The following PIK3C2G variants were observed in gnomAD, a reference collection of about 807,000 sequenced individuals.
PIK3C2G encodes phosphatidylinositol 3-kinase C2 domain-containing subunit gamma.
In PIK3C2G, 168 loss-of-function variants were observed where a neutral mutation model predicts 181.1. The ratio of observed to expected loss-of-function variants is 0.93; its 90% CI spans 0.82 to 1.05. The LOEUF (loss-of-function observed/expected upper bound fraction) is 1.05, where lower values mean the gene tolerates loss of function less well. Among genes scored for constraint, PIK3C2G ranks in the 50% least tolerant of loss-of-function variants. The probability of loss-of-function intolerance (pLI) is 0.00; values close to 1 mark genes in which losing one functional copy is unlikely to be tolerated. For missense variants in PIK3C2G, 1,869 were observed against 1,732.8 expected, an observed-to-expected ratio of 1.08 and a Z score of -1.40; for synonymous variants, 573 against 592.2, an observed-to-expected ratio of 0.97 and a Z score of 0.47.
rs1197863763 is a variant in PIK3C2G, at chr12:18,269,900, T to A, written c.-79+8323T>A. ...CACTGACAAGTTACCCTTTTTTCTT[T>A]TTTTTTCTTTTCTTTTTTTTTTTTT... On this transcript the variant is annotated intron_variant, in intron 1 of 32. Transcript: ENST00000538779. Among the ~76,000 whole-genome samples, 5 of 137,130 alleles carry A rather than the reference T, an allele frequency of 3.6e-5. No homozygotes were observed. The Admixed American group carries it at 3.9e-4, about 11-fold the overall frequency. 90.0% of individuals were successfully genotyped at this position (137,130 alleles called of 152,430 possible).
At chr12:18,584,408 A>G (rs143945497) in intron 29 of PIK3C2G, among the ~76,000 whole-genome samples, 56 of 152,290 alleles carry the variant, frequency 3.7e-4, no homozygotes, top group African/African-American at 1.2e-3. Context: ...TACAAATATT[A>G]ACAGCAGATT....
chr12:18,306,481 C>T (rs543999808), intron 5 of PIK3C2G, among the ~76,000 whole-genome samples: 1 of 152,022 alleles, frequency 6.6e-6, no homozygotes, highest in Non-Finnish European at 1.5e-5. Flanking sequence ...AGTGAAACAA[C>T]GTATCACTGA....
chr12:18,724,701 G>T, the PIK3C2G span, among the ~76,000 whole-genome samples: 1 of 151,904 alleles, frequency 6.6e-6, no homozygotes, highest in Non-Finnish European at 1.5e-5. Flanking sequence ...TTAAATTCTG[G>T]ATTTTGAGGT....
At chr12:18,591,008 T>C (rs1393460186) in intron 29 of PIK3C2G, among the ~76,000 whole-genome samples, 2 of 151,926 alleles carry the variant, frequency 1.3e-5, no homozygotes, top group Non-Finnish European at 2.9e-5. Flanking sequence ...GAGGTCAAAA[T>C]GTCACCAAAG....
chr12:18,290,822 T>C, intron 3 of PIK3C2G, 33 bp from the exon 4 acceptor site: 2 of 1,412,582 alleles, frequency 1.4e-6, no homozygotes, highest in Non-Finnish European at 2.0e-6. Context: ...GCAGGTCTTG[T>C]CCTAAGTATT....
intron 13 of PIK3C2G, among the ~76,000 whole-genome samples, chr12:18,380,303 C>A (rs866994315): frequency 6.6e-6 from 1 of 152,198 alleles, no homozygotes; most frequent in Non-Finnish European, 1.5e-5. Flanking sequence ...ATGGCACATC[C>A]TCCTCCCTCC....
At chr12:18,550,382 C>T (rs1208830970) in intron 26 of PIK3C2G, among the ~76,000 whole-genome samples, 4 of 152,000 alleles carry the variant, frequency 2.6e-5, no homozygotes, top group African/African-American at 9.7e-5. Context: ...ACAGGATACC[C>T]ATGACTCAAA....
At chr12:18,618,398 G>A (rs1376429583) in intron 31 of PIK3C2G, among the ~76,000 whole-genome samples, 1 of 152,144 alleles carries the variant, frequency 6.6e-6, no homozygotes, top group Non-Finnish European at 1.5e-5. Context: ...GAACAAAAAA[G>A]CCTTTGCAAA....
upstream of PIK3C2G, among the ~76,000 whole-genome samples, chr12:18,258,243 T>G (rs991367320): frequency 9.2e-5 from 14 of 152,014 alleles, no homozygotes; most frequent in African/African-American, 3.4e-4. Flanking sequence ...AGTGGCTAAA[T>G]AAAGCTAATT....
the PIK3C2G span, among the ~76,000 whole-genome samples, chr12:18,654,684 C>T: frequency 6.8e-4 from 103 of 152,240 alleles, no homozygotes; most frequent in Non-Finnish European, 1.4e-3. Flanking sequence ...CAAGATGATT[C>T]CAGTTGAGTA....
the PIK3C2G span, chr12:18,712,718 T>C: frequency 8.2e-7 from 1 of 1,215,152 alleles, no homozygotes. Context: ...TGCCTACTAA[T>C]GGATCATAAC....
At chr12:18,676,139 C>A in the PIK3C2G span, among the ~76,000 whole-genome samples, 1 of 152,016 alleles carries the variant, frequency 6.6e-6, no homozygotes, top group Non-Finnish European at 1.5e-5. Flanking sequence ...GACTGTGAGG[C>A]AAGAGACAGC....
chr12:18,466,500 T>A lies in PIK3C2G; in HGVS notation c.2505-21949T>A, dbSNP rs887064720. On this transcript the variant is annotated intron_variant, in intron 18 of 32. Transcript: ENST00000538779. ...TTGTAGAACCCTTTTTAAAAGGAAGTTTTACACCACACAATAATATATACA... is the reference window on the plus strand; with the variant it reads ...TTGTAGAACCCTTTTTAAAAGGAAGATTTACACCACACAATAATATATACA... Among the ~76,000 whole-genome samples, 3 of 151,932 alleles carry A rather than the reference T, an allele frequency of 2.0e-5. No homozygotes were observed. In the East Asian group the frequency reaches 5.8e-4, roughly 29 times the overall value.
the PIK3C2G span, chr12:18,693,940 T>C: frequency 1.3e-6 from 2 of 1,521,624 alleles, no homozygotes; most frequent in African/African-American, 1.4e-5. Context: ...TGGCTAAAGA[T>C]GACCTCTCTG....
Position 18,488,526 on chromosome 12 carries a change from C to T in PIK3C2G, c.2582C>T (p.Ala861Val). 6.3e-7 allele frequency: 1 copy of T among 1,588,764 alleles called. No homozygotes were observed. Among genetic ancestry groups the T allele is most frequent in the Admixed American group, 1.8e-5 (1 of 56,924 alleles). The change falls in exon 19 of 33, where the codon GCA (alanine) becomes GTA (valine). Residue 861 changes from alanine (A) to valine (V), a missense_variant. Physicochemically the swap from Ala to Val is moderately conservative, Grantham distance 64. Coordinates refer to ENST00000538779, the MANE Select transcript of PIK3C2G (RefSeq NM_001288772.2). The stretch of plus-strand genomic sequence containing the variant: ...CTACTAGCTGCTCTCCAATTCTGTG[C>T]AGGTAAAGCCTTGAATGATGAGTTT... Reference protein sequence around the residue: ...QKLLAALQFCAGKALNDEFSK... With the variant: ...QKLLAALQFCVGKALNDEFSK...
At chr12:18,400,008 T>C (rs1158579675) in intron 16 of PIK3C2G, among the ~76,000 whole-genome samples, 161 bp downstream of exon 16, 11 of 152,198 alleles carry the variant, frequency 7.2e-5, no homozygotes, top group Admixed American at 7.2e-4. Flanking sequence ...ATATAAATTT[T>C]AAACAAATCT....
chr12:18,500,297 C>A (rs962290707), intron 22 of PIK3C2G, among the ~76,000 whole-genome samples: 1 of 152,104 alleles, frequency 6.6e-6, no homozygotes, highest in Non-Finnish European at 1.5e-5. Context: ...TGGCCAGCGG[C>A]GGCGGAGGGT....
intron 24 of PIK3C2G, among the ~76,000 whole-genome samples, chr12:18,535,707 G>T (rs1176836150): frequency 6.6e-6 from 1 of 151,592 alleles, no homozygotes; most frequent in African/African-American, 2.4e-5. Flanking sequence ...AGAGAGTAGG[G>T]TGGAAAAACT....
chr12:18,533,941 C>CTTTTTTTTTTTTTTTT (rs542327503), intron 24 of PIK3C2G, among the ~76,000 whole-genome samples: 1 of 91,496 alleles, frequency 1.1e-5, no homozygotes, highest in African/African-American at 4.3e-5. Flanking sequence ...CCTGCTATTT[C>CTTTTTTTTTTTTTTTT]TTTTTTTTTT....
Sources: gnomAD v4.1 joint callset for allele counts (sites outside exome capture counted in the v4.1 genomes callset) on GRCh38, gnomAD v4.1.1 for gene constraint, MANE v1.5 for transcripts, NCBI Gene and HGNC (gene_info 2026-07-23, HGNC 2026-07-21) for gene names.